ABCG5: variants seen among roughly 807,000 people sequenced by gnomAD.
ABCG5 encodes ATP binding cassette subfamily G member 5, also known as ATP-binding cassette sub-family G member 5.
Under a neutral mutation model 64.5 loss-of-function variants are expected in ABCG5, and 64 were observed. That is an observed-to-expected ratio of 0.99 (90% CI 0.81 to 1.22). The LOEUF is 1.22. Among genes scored for constraint, ABCG5 ranks in the 50% most tolerant of loss-of-function variants. The probability of loss-of-function intolerance (pLI) is 0.00; values close to 1 mark genes in which losing one functional copy is unlikely to be tolerated. For missense variants in ABCG5, 908 were observed against 829.5 expected (o/e 1.09, Z -1.16); for synonymous variants, 385 against 326.3 (o/e 1.18, Z -1.94).
chr2:43,814,724 T>C, intron 11 of ABCG5, 135 bp from the exon 12 acceptor site: 1 of 598,642 alleles, frequency 1.7e-6, no homozygotes, highest in East Asian at 2.9e-5. Flanking sequence ...TGATGCTCAC[T>C]ATAAAAAAAC....
intron 7 of ABCG5, 44 bp downstream of exon 7, chr2:43,824,845 G>A (rs760788948): frequency 6.2e-7 from 1 of 1,610,932 alleles, no homozygotes; most frequent in South Asian, 1.1e-5. Flanking sequence ...AGATGAGAAA[G>A]TTTAAAAAAC....
downstream of ABCG5, among the ~76,000 whole-genome samples, chr2:43,811,178 C>T (rs1389995401): frequency 1.3e-5 from 2 of 152,146 alleles, no homozygotes; most frequent in African/African-American, 4.8e-5. Context: ...TCTCTTTGAA[C>T]TACTTTAATA....
intron 4 of ABCG5, among the ~76,000 whole-genome samples, chr2:43,829,509 A>G (rs918713703): frequency 3.3e-5 from 5 of 152,142 alleles, no homozygotes; most frequent in Admixed American, 3.3e-4. Context: ...AACTCTCCCA[A>G]AACAATAACG....
In ABCG5 at chr2:43,826,377, C is replaced by G; in HGVS notation, c.774+5G>C. 1.2e-6 allele frequency: 2 copies of G among 1,613,982 alleles called. No individual in the cohort carries two copies. Among genetic ancestry groups the G allele is most frequent in the South Asian group, 1.1e-5 (1 of 91,070 alleles). ...GACCCGGCCTTTACGAGTTGAACCT[C>G]TTACCTGAAAAAGCTCAGAACGGGG... On this transcript the variant is annotated splice_donor_5th_base_variant and intron_variant, in intron 6 of 12. Coordinates refer to ENST00000405322, the MANE Select transcript of ABCG5 (RefSeq NM_022436.3).
At chr2:43,810,387 C>G (rs971121675), downstream of ABCG5, 1 of 985,258 alleles carries the variant, frequency 1.0e-6, no homozygotes, top group African/African-American at 1.7e-5. Context: ...ACAGGCACAT[C>G]TAAGGAGATA....
At chr2:43,820,128 C>G in intron 10 of ABCG5, 28 bp from the exon 11 acceptor site, 1 of 1,605,914 alleles carries the variant, frequency 6.2e-7, no homozygotes, top group African/African-American at 1.3e-5. Flanking sequence ...CTTTAGTTTC[C>G]TCTCCAAGGG....
chr2:43,822,001 C>A (rs528204477), intron 10 of ABCG5, among the ~76,000 whole-genome samples: 29 of 152,228 alleles, frequency 1.9e-4, no homozygotes, highest in African/African-American at 6.5e-4. Context: ...TTTGACTTAT[C>A]CAAATTTTGG....
intron 2 of ABCG5, among the ~76,000 whole-genome samples, chr2:43,833,223 G>C (rs72796730): frequency 1.1e-4 from 17 of 152,174 alleles, no homozygotes; most frequent in Non-Finnish European, 2.1e-4. Context: ...GACCTCCCAG[G>C]CCTTTCCTAT....
downstream of ABCG5, among the ~76,000 whole-genome samples, chr2:43,811,456 C>T (rs1378025589): frequency 2.0e-5 from 3 of 152,198 alleles, no homozygotes; most frequent in East Asian, 1.9e-4. Flanking sequence ...AGTTAGGTCA[C>T]AGTCAGTGAA....
At position 43,837,866 on chromosome 2, in the gene ABCG5, C is replaced by T. The variant is rs1257853786; in HGVS notation, c.233G>A (p.Ser78Asn). The T allele has an allele frequency of 1.2e-6, 2 of 1,614,152 alleles. No individual in the cohort carries two copies. Among genetic ancestry groups the T allele is most frequent in the Non-Finnish European group, 1.7e-6 (2 of 1,180,016 alleles). The change falls in exon 2 of 13, where the codon AGC (serine) becomes AAC (asparagine). Residue 78 changes from serine to asparagine, a missense_variant. Physicochemically the swap from Ser to Asn is conservative, Grantham distance 46. Transcript: ENST00000405322. ...ILKDVSLYVE[S>N]GQIMCILGSS... ...TCCTAGGATGCACATGATCTGCCCG[C>T]TCTCCACGTACAAGGAGACATCTTT...
chr2:43,829,116 T>C (rs1482905583), intron 4 of ABCG5, among the ~76,000 whole-genome samples: 1 of 152,190 alleles, frequency 6.6e-6, no homozygotes, highest in Non-Finnish European at 1.5e-5. Context: ...CTGCAGCCCA[T>C]ACAGAAAAAT....
At position 43,826,364 on chromosome 2, in the gene ABCG5, A is replaced by G; in HGVS notation, c.774+18T>C. ...TCAACACACCATAGACCCGGCCTTT[A>G]CGAGTTGAACCTCTTACCTGAAAAA... On this transcript the variant is annotated intron_variant, in intron 6 of 12. Transcript: ENST00000405322. 1 of 1,613,754 alleles carries G rather than the reference A, an allele frequency of 6.2e-7. No individual in the cohort carries two copies. The highest frequency in any genetic ancestry group is 8.5e-7 in the Non-Finnish European group (1 of 1,179,898).
chr2:43,813,245 A>C lies in ABCG5; in HGVS notation c.1827T>G (p.Ile609Met), dbSNP rs1338184024. 2 of 1,613,964 alleles carry C rather than the reference A, an allele frequency of 1.2e-6. No homozygotes were observed. Among genetic ancestry groups the C allele is most frequent in the Non-Finnish European group, 1.7e-6 (2 of 1,179,920 alleles). ...ATGTTGCACCTGGGCAGGTTTTCTC[A>C]ATGAATTGAATTCCTTGAGTGAAGG... ...MCAFTQGIQF[I>M]EKTCPGATSR... Residue 609 changes from isoleucine to methionine, a missense_variant, in exon 13 of 13, where the codon ATT (isoleucine) becomes ATG (methionine). Transcript: ENST00000405322.
chr2:43,827,342 A>G (rs1044387598), intron 5 of ABCG5, among the ~76,000 whole-genome samples: 2 of 150,968 alleles, frequency 1.3e-5, no homozygotes, highest in East Asian at 3.9e-4. Flanking sequence ...AAAAAAAAAA[A>G]GTGACAAGAG....
intron 11 of ABCG5, among the ~76,000 whole-genome samples, chr2:43,817,365 A>G (rs920076703): frequency 6.6e-6 from 1 of 152,078 alleles, no homozygotes; most frequent in African/African-American, 2.4e-5. Context: ...CGCACCTGTA[A>G]TCCCAGCTAT....
Position 43,838,147 on chromosome 2 carries a change from G to A in ABCG5, c.144-192C>T. The A allele has an allele frequency of 4.2e-6, 3 of 712,532 alleles. No homozygotes were observed. Among genetic ancestry groups the A allele is most frequent in the Non-Finnish European group, 7.0e-6 (3 of 430,000 alleles). 44.1% of individuals were successfully genotyped at this position (712,532 alleles called of 1,614,324 possible). ...ACTGAGGCTGTCTGCCACGTAGGGA[G>A]GGGGCCTGTGCTGGAGTTGCTCTGA... On this transcript the variant is annotated intron_variant, in intron 1 of 12. Transcript: ENST00000405322. The surrounding 1 kb of genome is among the most constrained non-coding windows in gnomAD (Gnocchi z 4.2).
Position 43,820,010 on chromosome 2 carries a change from A to G in ABCG5, c.1554T>C (p.Leu518=). ...APHLIGEFLT[L]VLLGIVQNPN... ...GATTTTGGACGATACCAAGTAGCAC[A>G]AGAGTTAGAAATTCACCAATTAAGT... Residue 518 remains leucine (L), a synonymous_variant, in exon 11 of 13, where the codon CTT becomes CTC. Coordinates refer to ENST00000405322, the MANE Select transcript of ABCG5 (RefSeq NM_022436.3). The G allele has an allele frequency of 1.9e-6, 3 of 1,614,212 alleles. No individual in the cohort carries two copies. The highest frequency in any genetic ancestry group is 2.5e-6 in the Non-Finnish European group (3 of 1,180,034).
downstream of ABCG5, among the ~76,000 whole-genome samples, chr2:43,807,562 C>G (rs13384972): frequency 0.21 from 32,214 of 151,586 alleles, 3,920 homozygotes; most frequent in African/African-American, 0.31. Context: ...ATCTCAGCCT[C>G]TCAAGTAGCT....
chr2:43,819,869 A>T, intron 11 of ABCG5, 46 bp downstream of exon 11: 1 of 1,595,500 alleles, frequency 6.3e-7, no homozygotes. Flanking sequence ...GTGATCATTA[A>T]TAACAGATTA....
Sources: allele counts gnomAD v4.1 joint callset (sites outside exome capture counted in the v4.1 genomes callset), GRCh38; gene constraint gnomAD v4.1.1; non-coding constraint Gnocchi (gnomAD v3.1); transcripts MANE v1.5; gene names NCBI Gene and HGNC (gene_info 2026-07-23, HGNC 2026-07-21).